The following CFHR5 variants were observed in gnomAD, a reference collection of about 807,000 sequenced individuals.
The protein encoded by CFHR5 is complement factor H related 5, also known as complement factor H-related protein 5.
Under a neutral mutation model 62.9 loss-of-function variants are expected in CFHR5, and 73 were observed. The ratio of observed to expected loss-of-function variants is 1.16; its 90% CI spans 0.96 to 1.41. The LOEUF (loss-of-function observed/expected upper bound fraction) is 1.41. CFHR5 is among the 40% of genes most tolerant of loss of function. The pLI is 0.00. For missense variants in CFHR5, 779 were observed against 679.9 expected, an observed-to-expected ratio of 1.15 and a Z score of -1.62; for synonymous variants, 249 against 227.2, an observed-to-expected ratio of 1.10 and a Z score of -0.86.
chr1:196,988,472 T>C (rs1313193046), intron 3 of CFHR5, among the ~76,000 whole-genome samples: 2 of 152,030 alleles, frequency 1.3e-5, no homozygotes, highest in Non-Finnish European at 2.9e-5. Flanking sequence ...ATGCTTCCAG[T>C]TTTTGCCCAT....
chr1:196,987,549 A>T (rs1052733185), intron 3 of CFHR5, among the ~76,000 whole-genome samples: 3 of 152,166 alleles, frequency 2.0e-5, no homozygotes, highest in Non-Finnish European at 4.4e-5. Flanking sequence ...ATAAGGTGTA[A>T]GTAAGGGATC....
intron 9 of CFHR5, 37 bp from the exon 10 acceptor site, chr1:197,008,436 GTAAAGATGTATTAT>G: frequency 8.8e-7 from 1 of 1,133,724 alleles, no homozygotes; most frequent in Non-Finnish European, 1.2e-6. Context: ...TCTATGAAAG[GTAAAGATGTATTAT>G]TATTTATTTA....
At chr1:197,000,036 C>T (rs1481490874) in intron 7 of CFHR5, among the ~76,000 whole-genome samples, 1 of 151,462 alleles carries the variant, frequency 6.6e-6, no homozygotes, top group South Asian at 2.1e-4. Context: ...GAATGGTGTG[C>T]ATACACAAAT....
intron 2 of CFHR5, 71 bp from the exon 3 acceptor site, chr1:196,983,890 T>C (rs1653607553): frequency 1.8e-6 from 2 of 1,094,526 alleles, no homozygotes. Flanking sequence ...TTTCCTTTCT[T>C]AATGAAATAT....
intron 1 of CFHR5, among the ~76,000 whole-genome samples, chr1:196,981,062 A>G (rs1483473656): frequency 6.6e-6 from 1 of 152,160 alleles, no homozygotes; most frequent in East Asian, 1.9e-4. Context: ...AAGGTTAAAT[A>G]CCACAAGAAT....
At chr1:196,999,683 G>GTA (rs35191504) in intron 7 of CFHR5, among the ~76,000 whole-genome samples, 1,448 of 110,342 alleles carry the variant, frequency 0.013, 17 homozygotes, top group African/African-American at 0.027. Context: ...TTGGGAAAAA[G>GTA]TATATATATA....
chr1:197,005,372 A>C (rs547348615), intron 9 of CFHR5, among the ~76,000 whole-genome samples: 1 of 152,250 alleles, frequency 6.6e-6, no homozygotes, highest in Non-Finnish European at 1.5e-5. Context: ...AATCTTCACT[A>C]TCCCTTCTTT....
chr1:196,986,344 A>T (rs950027329), intron 3 of CFHR5, among the ~76,000 whole-genome samples: 2 of 151,862 alleles, frequency 1.3e-5, no homozygotes, highest in East Asian at 3.9e-4. Flanking sequence ...GGAAAACCCT[A>T]CATTGGCCAA....
chr1:197,008,600 T>A lies in CFHR5; in HGVS notation c.1627T>A (p.Phe543Ile). Residue 543 changes from phenylalanine (F) to isoleucine (I), a missense_variant, in exon 10 of 10, where the codon TTC becomes ATC. Coordinates refer to ENST00000256785, the MANE Select transcript of CFHR5 (RefSeq NM_030787.4). ...TGDAVEFQCK[F>I]PHKAMISSPP... Reference sequence around the variant, plus strand: ...GGATGCTGTTGAATTCCAGTGTAAATTCCCACATAAAGCGATGATATCATC... The same window carrying A: ...GGATGCTGTTGAATTCCAGTGTAAAATCCCACATAAAGCGATGATATCATC... The A allele has an allele frequency of 6.2e-7, 1 of 1,613,812 alleles. No individual in the cohort carries two copies. The highest frequency in any genetic ancestry group is 8.5e-7 in the Non-Finnish European group (1 of 1,179,802).
intron 7 of CFHR5, 95 bp downstream of exon 7, chr1:196,998,399 T>C (rs1336618281): frequency 3.9e-6 from 4 of 1,026,096 alleles, no homozygotes; most frequent in Non-Finnish European, 4.4e-6. Context: ...ATATTTATTG[T>C]GGCATATAAT....
chr1:196,996,141 A>C lies in CFHR5; in HGVS notation c.910A>C (p.Ile304Leu). Reference protein sequence around the residue: ...EVNCRNEYAMIGNNMITCING... With the variant: ...EVNCRNEYAMLGNNMITCING... Reference sequence around the variant, plus strand: ...GAATTGCAGAAATGAATATGCAATGATTGGAAATAACATGATTACCTGTAT... The same window carrying C: ...GAATTGCAGAAATGAATATGCAATGCTTGGAAATAACATGATTACCTGTAT... The change falls in exon 6 of 10, where the codon ATT becomes CTT. Residue 304 changes from isoleucine (I) to leucine (L), a missense_variant. Physicochemically the swap from Ile to Leu is conservative, Grantham distance 5. Coordinates refer to ENST00000256785, the MANE Select transcript of CFHR5 (RefSeq NM_030787.4). The C allele has an allele frequency of 6.2e-7, 1 of 1,613,136 alleles. No individual in the cohort carries two copies. The highest frequency in any genetic ancestry group is 2.2e-5 in the East Asian group (1 of 44,838).
At chr1:196,999,639 T>A (rs1381806440) in intron 7 of CFHR5, among the ~76,000 whole-genome samples, 3 of 144,826 alleles carry the variant, frequency 2.1e-5, no homozygotes, top group South Asian at 2.2e-4. Context: ...AAATTTAGAA[T>A]GATGTGGCAT....
intron 9 of CFHR5, among the ~76,000 whole-genome samples, chr1:197,007,592 T>G (rs962322921): frequency 1.3e-5 from 2 of 150,512 alleles, no homozygotes; most frequent in Non-Finnish European, 3.0e-5. Flanking sequence ...CATATACATG[T>G]GTGTATATGT....
At chr1:196,977,292 GAA>G (rs138249543), upstream of CFHR5, among the ~76,000 whole-genome samples, 50 of 141,102 alleles carry the variant, frequency 3.5e-4, no homozygotes, top group East Asian at 8.1e-4. Context: ...CCCTTGGCTA[GAA>G]AAAAAAAAAA....
chr1:197,007,737 C>T (rs1056166398), intron 9 of CFHR5, among the ~76,000 whole-genome samples: 4 of 145,780 alleles, frequency 2.7e-5, no homozygotes, highest in Admixed American at 6.9e-5. Context: ...CATATACATA[C>T]AATATATGTA....
At chr1:196,994,018 G>A in intron 3 of CFHR5, 62 bp from the exon 4 acceptor site, 1 of 1,277,356 alleles carries the variant, frequency 7.8e-7, no homozygotes, top group Non-Finnish European at 1.1e-6. Flanking sequence ...TTTTTATATA[G>A]CACACATTAA....
Position 197,008,492 on chromosome 1 carries a change from T to C in CFHR5, c.1519T>C (p.Cys507Arg), listed in dbSNP as rs773124493. ...WSEPPRCLDP[C>R]VVSEENMNKN... is the part of the protein sequence containing the mutation. ...TTTACCATTTCTTCTTTCAGATCCA[T>C]GTGTGGTATCTGAAGAAAACATGAA... Residue 507 changes from cysteine (C) to arginine (R), a missense_variant, in exon 10 of 10, where the codon TGT becomes CGT. Coordinates refer to ENST00000256785, the MANE Select transcript of CFHR5 (RefSeq NM_030787.4). 6.3e-7 allele frequency: 1 copy of C among 1,584,312 alleles called. No individual in the cohort carries two copies.
At chr1:196,985,330 G>A (rs1653654901) in intron 3 of CFHR5, among the ~76,000 whole-genome samples, 1 of 152,104 alleles carries the variant, frequency 6.6e-6, no homozygotes, top group Non-Finnish European at 1.5e-5. Context: ...AACAAAGTGA[G>A]ACCCTTCCCC....
intron 3 of CFHR5, among the ~76,000 whole-genome samples, chr1:196,986,357 T>G (rs1029111573): frequency 6.6e-6 from 1 of 151,658 alleles, no homozygotes; most frequent in Non-Finnish European, 1.5e-5. Flanking sequence ...TTGGCCAAGA[T>G]CGATTATTTT....
Sources: allele counts gnomAD v4.1 joint callset (sites outside exome capture counted in the v4.1 genomes callset), GRCh38; gene constraint gnomAD v4.1.1; transcripts MANE v1.5; gene names NCBI Gene and HGNC (gene_info 2026-07-23, HGNC 2026-07-21).